Variants in ISM1 observed in about 807,000 individuals in gnomAD.
ISM1 encodes isthmin-1.
ISM1 carries 25 observed loss-of-function variants against 46.3 expected under a neutral mutation model. The observed-to-expected ratio is 0.54, with a 90% CI of 0.39 to 0.75. The LOEUF (loss-of-function observed/expected upper bound fraction) is 0.75. Ranked by LOEUF, ISM1 falls within the 30% of genes least tolerant of loss-of-function variation. ISM1 has a pLI of 0.00. For missense variants in ISM1, 536 were observed against 625.4 expected (o/e 0.86, Z 1.52); for synonymous variants, 255 against 256.7 (o/e 0.99, Z 0.06).
chr20:13,302,087 T>G (rs1027961473), downstream of ISM1, among the ~76,000 whole-genome samples: 2 of 152,146 alleles, frequency 1.3e-5, no homozygotes, highest in African/African-American at 2.4e-5. Flanking sequence ...GGAACAAGAG[T>G]GGCAAGTTAT....
At chr20:13,304,716 C>G (rs376823427), downstream of ISM1, among the ~76,000 whole-genome samples, 2 of 152,272 alleles carry the variant, frequency 1.3e-5, no homozygotes, top group African/African-American at 4.8e-5. Context: ...ACTCATTGGT[C>G]AATGAATACC....
In ISM1 at chr20:13,299,405, G is replaced by A. The variant is rs376772164; in HGVS notation, c.1341G>A (p.Glu447=). The A allele has an allele frequency of 1.9e-5, 31 of 1,612,170 alleles. No homozygotes were observed. In the African/African-American group the frequency reaches 2.0e-4, roughly 10 times the overall value. ...RPPNNGQKCT[E]SPSDEDYIKQ... is the part of the protein sequence containing the mutation. The stretch of plus-strand genomic sequence containing the variant: ...CCAACAACGGACAGAAGTGCACAGA[G>A]AGCCCCTCGGACGAGGACTACATCA... Residue 447 remains glutamate (E), a synonymous_variant, in exon 6 of 6, where the codon GAG becomes GAA. Coordinates refer to ENST00000262487, the MANE Select transcript of ISM1 (RefSeq NM_080826.2). The surrounding 1 kb of genome is among the most constrained non-coding windows in gnomAD (Gnocchi z 5.8).
intron 1 of ISM1, among the ~76,000 whole-genome samples, chr20:13,260,988 C>T (rs1350824068): frequency 6.6e-6 from 1 of 152,118 alleles, no homozygotes; most frequent in African/African-American, 2.4e-5. Flanking sequence ...CGTCTCTCAC[C>T]ATTCAACAGG....
At chr20:13,231,091 T>G (rs2039583224) in intron 1 of ISM1, among the ~76,000 whole-genome samples, 1 of 152,162 alleles carries the variant, frequency 6.6e-6, no homozygotes, top group South Asian at 2.1e-4. Context: ...TTGTTCTTTG[T>G]CTCAGGGCCT....
At chr20:13,315,500 T>G in the ISM1 span, among the ~76,000 whole-genome samples, 3 of 151,930 alleles carry the variant, frequency 2.0e-5, no homozygotes, top group Non-Finnish European at 4.4e-5. Context: ...ATCCTTAATA[T>G]GTATTCACCT....
intron 1 of ISM1, among the ~76,000 whole-genome samples, chr20:13,268,869 G>A (rs780834725): frequency 6.6e-6 from 1 of 152,134 alleles, no homozygotes; most frequent in Non-Finnish European, 1.5e-5. Flanking sequence ...GAGCTCAGTT[G>A]TGCCACTGCA....
chr20:13,286,178 G>A (rs6041996), intron 3 of ISM1, among the ~76,000 whole-genome samples: 3 of 152,190 alleles, frequency 2.0e-5, no homozygotes, highest in Non-Finnish European at 2.9e-5. Context: ...GGTGTGTGCA[G>A]GATGTGACTG....
intron 2 of ISM1, among the ~76,000 whole-genome samples, chr20:13,274,672 C>A (rs7262568): frequency 0.084 from 12,236 of 146,052 alleles, 549 homozygotes; most frequent in Middle Eastern, 0.11. Flanking sequence ...CACTCCCCGC[C>A]CCCCCCGCGC....
the ISM1 span, among the ~76,000 whole-genome samples, chr20:13,320,267 C>T: frequency 5.8e-3 from 889 of 152,282 alleles, 4 homozygotes; most frequent in African/African-American, 0.02. Flanking sequence ...AGCAAAAATA[C>T]TTCCTAAATT....
chr20:13,239,657 A>C (rs1453683860), intron 1 of ISM1: 1 of 152,172 alleles, frequency 6.6e-6, no homozygotes, highest in African/African-American at 2.4e-5. Flanking sequence ...TCTGTGCTCC[A>C]ACCCACCTGC....
chr20:13,272,250 C>T (rs558386275), intron 2 of ISM1, among the ~76,000 whole-genome samples: 1 of 152,302 alleles, frequency 6.6e-6, no homozygotes, highest in Admixed American at 6.5e-5. Flanking sequence ...GACTAACACC[C>T]TCTGCATGAT....
chr20:13,296,196 C>T (rs1479446842), intron 5 of ISM1, among the ~76,000 whole-genome samples: 1 of 152,140 alleles, frequency 6.6e-6, no homozygotes, highest in East Asian at 1.9e-4. Flanking sequence ...ACATTTCCTC[C>T]ACCCATAGCA....
At chr20:13,265,971 G>A (rs749683841) in intron 1 of ISM1, among the ~76,000 whole-genome samples, 8 of 152,112 alleles carry the variant, frequency 5.3e-5, no homozygotes, top group Admixed American at 1.3e-4. Flanking sequence ...CCTGCCAGCC[G>A]CCTCATTTCA....
chr20:13,313,327 A>G, the ISM1 span, among the ~76,000 whole-genome samples: 1 of 152,234 alleles, frequency 6.6e-6, no homozygotes, highest in Non-Finnish European at 1.5e-5. Flanking sequence ...CTCTGCAAAT[A>G]GTGAAGTGTA....
intron 5 of ISM1, among the ~76,000 whole-genome samples, chr20:13,298,057 A>G (rs765283500): frequency 7.9e-5 from 12 of 152,044 alleles, no homozygotes; most frequent in Non-Finnish European, 1.2e-4. Flanking sequence ...CTTTTCCATC[A>G]TATCATCACT....
At chr20:13,273,900 T>A (rs529738088) in intron 2 of ISM1, among the ~76,000 whole-genome samples, 2 of 152,214 alleles carry the variant, frequency 1.3e-5, no homozygotes, top group Non-Finnish European at 1.5e-5. Context: ...ATTGATCTGA[T>A]GACGTTTTGG....
At chr20:13,280,887 G>A (rs1435535313) in intron 3 of ISM1, among the ~76,000 whole-genome samples, 1 of 152,228 alleles carries the variant, frequency 6.6e-6, no homozygotes, top group Non-Finnish European at 1.5e-5. Context: ...GATATTTAAT[G>A]TCTTACAAAT....
chr20:13,236,144 C>T (rs1819168), intron 1 of ISM1, among the ~76,000 whole-genome samples: 40,570 of 151,814 alleles, frequency 0.27, 5,663 homozygotes, highest in African/African-American at 0.36. Context: ...AGAATGGTCT[C>T]GATCTCTTAA....
chr20:13,237,145 C>T (rs1281926542), intron 1 of ISM1, among the ~76,000 whole-genome samples: 1 of 152,214 alleles, frequency 6.6e-6, no homozygotes, highest in Non-Finnish European at 1.5e-5. Flanking sequence ...CCTCCCACAA[C>T]ACATGAGAAT....
Sources: allele counts gnomAD v4.1 joint callset (sites outside exome capture counted in the v4.1 genomes callset), GRCh38; gene constraint gnomAD v4.1.1; non-coding constraint Gnocchi (gnomAD v3.1); transcripts MANE v1.5; gene names NCBI Gene and HGNC (gene_info 2026-07-23, HGNC 2026-07-21).